The following USP31 variants were observed in gnomAD, a reference collection of about 807,000 sequenced individuals.
USP31 encodes the protein ubiquitin specific peptidase 31.
In USP31, 44 loss-of-function variants were observed where a neutral mutation model predicts 119.4. That is an observed-to-expected ratio of 0.37 (90% CI 0.29 to 0.47). The LOEUF is 0.47. Ranked by LOEUF, USP31 falls within the 20% of genes least tolerant of loss-of-function variation. The probability of loss-of-function intolerance (pLI) is 0.99; values close to 1 mark genes in which losing one functional copy is unlikely to be tolerated. For synonymous variants in USP31, 749 were observed against 705.6 expected (o/e 1.06, Z -0.97); for missense variants, 1,643 against 1,730.2 (o/e 0.95, Z 0.89).
intron 13 of USP31, among the ~76,000 whole-genome samples, chr16:23,076,148 A>G (rs753811138): frequency 3.7e-4 from 56 of 152,252 alleles, no homozygotes; most frequent in Non-Finnish European, 5.4e-4. Flanking sequence ...AGAGAGCATC[A>G]GGAAGAATAG....
intron 6 of USP31, 61 bp from the exon 7 acceptor site, chr16:23,090,865 T>A: frequency 7.3e-7 from 1 of 1,374,728 alleles, no homozygotes. Flanking sequence ...TCACTCGTTA[T>A]GAAGAAATTT....
Position 23,066,234 on chromosome 16 carries a change from G to GT in USP31, c.*1811dup, listed in dbSNP as rs1900063404. 2 of 152,568 alleles carry GT rather than the reference G, an allele frequency of 1.3e-5. No homozygotes were observed. The highest frequency in any genetic ancestry group is 2.1e-4 in the South Asian group (1 of 4,822). The allele number at this position is 152,568 out of a possible 1,614,324, so 9.5% of individuals were successfully genotyped here. A position where few individuals can be genotyped will look rare whatever the true frequency, so the allele number is the denominator to read the frequency against. ...TCAATGAATCACATGGAGCACTGTGGTAACTTTCACAAGGCTAAATGTCTA... is the reference window on the plus strand; with the variant it reads ...TCAATGAATCACATGGAGCACTGTGGTTAACTTTCACAAGGCTAAATGTCTA... On this transcript the variant is annotated 3_prime_UTR_variant, in exon 16 of 16. Transcript: ENST00000219689.
At position 23,061,507 on chromosome 16, in the gene USP31, TAAAAC is replaced by T. The variant is rs989720663; in HGVS notation, c.*6534_*6538del. ...TATATAATCAACGCTGTTTCAGAAATAAAACGTTTCAAACGTAAAAATATAAATTC... is the reference window on the plus strand; with the variant it reads ...TATATAATCAACGCTGTTTCAGAAATGTTTCAAACGTAAAAATATAAATTC... On this transcript the variant is annotated 3_prime_UTR_variant, in exon 16 of 16. Coordinates refer to ENST00000219689, the MANE Select transcript of USP31 (RefSeq NM_020718.4). The T allele has an allele frequency of 1.1e-4, 17 of 152,630 alleles. No individual in the cohort carries two copies. The highest frequency in any genetic ancestry group is 3.9e-4 in the African/African-American group (16 of 41,452). The allele number at this position is 152,630 out of a possible 1,614,324, so 9.5% of individuals were successfully genotyped here.
At chr16:23,105,914 T>TAA (rs1302868762) in intron 4 of USP31, among the ~76,000 whole-genome samples, 1 of 152,126 alleles carries the variant, frequency 6.6e-6, no homozygotes, top group African/African-American at 2.4e-5. Context: ...ACAAGAAATG[T>TAA]AAAGTAAGGT....
intron 14 of USP31, among the ~76,000 whole-genome samples, chr16:23,072,913 G>C (rs1212634357): frequency 6.6e-6 from 1 of 151,808 alleles, no homozygotes; most frequent in East Asian, 1.9e-4. Context: ...CCCCCAGCAG[G>C]GCGTCATTCT....
chr16:23,112,133 A>T (rs935607417), intron 1 of USP31, among the ~76,000 whole-genome samples: 1 of 152,164 alleles, frequency 6.6e-6, no homozygotes, highest in Non-Finnish European at 1.5e-5. Flanking sequence ...AAATACCTGG[A>T]AGGGACCACT....
chr16:23,066,719 G>A lies in USP31; in HGVS notation c.*1327C>T, dbSNP rs1368374195. On this transcript the variant is annotated 3_prime_UTR_variant, in exon 16 of 16. Transcript: ENST00000219689. ...AGTATTGCCAGGAGACCTTGAAAAA[G>A]CTTGCAAAACTATATACTTTGCTTA... is the stretch of plus-strand genomic sequence containing the variant. The A allele has an allele frequency of 2.0e-5, 3 of 152,050 alleles. No homozygotes were observed. The highest frequency in any genetic ancestry group is 4.4e-5 in the Non-Finnish European group (3 of 68,012). The allele number at this position is 152,050 out of a possible 1,614,324, so 9.4% of individuals were successfully genotyped here.
At position 23,062,384 on chromosome 16, in the gene USP31, A is replaced by T. The variant is rs371882119; in HGVS notation, c.*5662T>A. 19,633 of 150,646 alleles carry T rather than the reference A, an allele frequency of 0.13. 1,378 individuals are homozygous for T. The highest frequency in any genetic ancestry group is 0.15 in the Non-Finnish European group (10,006 of 67,582). The allele number at this position is 150,646 out of a possible 1,614,324, so 9.3% of individuals were successfully genotyped here. A position where few individuals can be genotyped will look rare whatever the true frequency, so the allele number is the denominator to read the frequency against. On this transcript the variant is annotated 3_prime_UTR_variant, in exon 16 of 16. Transcript: ENST00000219689. ...AGCAATAAGGGTTTTTTTTTTTTAA[A>T]AAAAAGACACCAAAGAAAATGTTTC...
At chr16:23,144,773 C>G (rs1179276574) in intron 1 of USP31, among the ~76,000 whole-genome samples, 1 of 152,160 alleles carries the variant, frequency 6.6e-6, no homozygotes, top group African/African-American at 2.4e-5. Context: ...TGAGCCACTG[C>G]GTCCTGCCTT....
At chr16:23,074,077 C>CACA in intron 13 of USP31, 197 bp from the exon 14 acceptor site, 2 of 639,574 alleles carry the variant, frequency 3.1e-6, no homozygotes, top group Admixed American at 2.6e-5. Context: ...AAATTCCAAA[C>CACA]CATTCCAAGT....
intron 1 of USP31, among the ~76,000 whole-genome samples, chr16:23,128,110 G>A (rs1003386685): frequency 2.0e-5 from 3 of 152,130 alleles, no homozygotes; most frequent in African/African-American, 7.2e-5. Flanking sequence ...CCCTGTATTG[G>A]AATAATCAAT....
In USP31 at chr16:23,064,886, AT is replaced by A. The variant is rs1900003855; in HGVS notation, c.*3159del. ...AGGCAGCCTCACAGATAATTACAGT[AT>A]TTTAGCACACCACAAATACTCCCAC... On this transcript the variant is annotated 3_prime_UTR_variant, in exon 16 of 16. Transcript: ENST00000219689. 6.6e-6 allele frequency: 1 copy of A among 152,216 alleles called. No homozygotes were observed. Among genetic ancestry groups the A allele is most frequent in the Non-Finnish European group, 1.5e-5 (1 of 68,042 alleles). The allele number at this position is 152,216 out of a possible 1,614,324, so 9.4% of individuals were successfully genotyped here.
intron 1 of USP31, among the ~76,000 whole-genome samples, chr16:23,121,239 G>GCC (rs1437249050): frequency 2.0e-5 from 3 of 152,184 alleles, no homozygotes; most frequent in Non-Finnish European, 2.9e-5. Context: ...GCAAGTCACA[G>GCC]ACCTGCTGTG....
intron 14 of USP31, 119 bp downstream of exon 14, chr16:23,073,603 G>GT: frequency 8.0e-7 from 1 of 1,255,556 alleles, no homozygotes; most frequent in Non-Finnish European, 1.1e-6. Context: ...AAATGGAAAC[G>GT]TAAGGATTCA....
At chr16:23,114,465 A>AG (rs1567240906) in intron 1 of USP31, among the ~76,000 whole-genome samples, 1 of 152,138 alleles carries the variant, frequency 6.6e-6, no homozygotes, top group East Asian at 1.9e-4. Flanking sequence ...AAAAAAAAAA[A>AG]AAAAGAAAGT....
intron 6 of USP31, among the ~76,000 whole-genome samples, chr16:23,093,955 G>A (rs986329398): frequency 6.6e-5 from 10 of 152,218 alleles, no homozygotes; most frequent in African/African-American, 1.4e-4. Context: ...TGATTTCTGC[G>A]TTTCCAACTG....
intron 1 of USP31, among the ~76,000 whole-genome samples, chr16:23,108,992 C>G (rs1787973769): frequency 6.6e-6 from 1 of 152,184 alleles, no homozygotes; most frequent in Non-Finnish European, 1.5e-5. Flanking sequence ...TCCACGCTTA[C>G]AGTGTAGCTA....
At chr16:23,101,261 T>C (rs1596710708) in intron 6 of USP31, among the ~76,000 whole-genome samples, 1 of 152,146 alleles carries the variant, frequency 6.6e-6, no homozygotes, top group Non-Finnish European at 1.5e-5. Context: ...AACAGCTCTA[T>C]GAGAATTTTG....
In USP31 at chr16:23,072,026, C is replaced by A; in HGVS notation, c.2488+19G>T. ...GTGAGTTACCATTCTGGAAATTTGT[C>A]ACCAAAACCCACACCCACCATCATC... On this transcript the variant is annotated intron_variant, in intron 15 of 15. Coordinates refer to ENST00000219689, the MANE Select transcript of USP31 (RefSeq NM_020718.4). 1 of 1,598,804 alleles carries A rather than the reference C, an allele frequency of 6.3e-7. No individual in the cohort carries two copies. The highest frequency in any genetic ancestry group is 8.5e-7 in the Non-Finnish European group (1 of 1,171,072).
Sources: allele counts gnomAD v4.1 joint callset (sites outside exome capture counted in the v4.1 genomes callset), GRCh38; gene constraint gnomAD v4.1.1; transcripts MANE v1.5; gene names NCBI Gene and HGNC (gene_info 2026-07-23, HGNC 2026-07-21).